SCHIP1: variants seen among roughly 807,000 people sequenced by gnomAD.
The protein encoded by SCHIP1 is schwannomin-interacting protein 1.
Under a neutral mutation model 29.7 loss-of-function variants are expected in SCHIP1, and 8 were observed. The ratio of observed to expected loss-of-function variants is 0.27; its 90% CI spans 0.16 to 0.49. SCHIP1 has a LOEUF of 0.49. SCHIP1 is among the 20% of genes least tolerant of loss of function. SCHIP1 has a pLI of 0.99. For synonymous variants in SCHIP1, 76 were observed against 94.9 expected, an observed-to-expected ratio of 0.80 and a Z score of 1.16; for missense variants, 193 against 294.6, an observed-to-expected ratio of 0.66 and a Z score of 2.52.
the SCHIP1 span, among the ~76,000 whole-genome samples, chr3:159,634,467 C>T: frequency 6.6e-6 from 1 of 152,152 alleles, no homozygotes; most frequent in Non-Finnish European, 1.5e-5. Context: ...AAATGCTGAA[C>T]AGTTAGAGGC....
chr3:159,871,368 T>TGG (rs143350836), intron 2 of SCHIP1, among the ~76,000 whole-genome samples: 1 of 14,390 alleles, frequency 6.9e-5, no homozygotes. Flanking sequence ...TTGGGGGGGG[T>TGG]GGGGGGGGGC....
chr3:159,498,630 C>A, the SCHIP1 span, among the ~76,000 whole-genome samples: 25 of 151,648 alleles, frequency 1.6e-4, no homozygotes, highest in African/African-American at 5.3e-4. Context: ...TACGTATCTT[C>A]AAAATACCTT....
At chr3:159,576,790 T>G in the SCHIP1 span, among the ~76,000 whole-genome samples, 6 of 152,142 alleles carry the variant, frequency 3.9e-5, no homozygotes, top group Non-Finnish European at 7.4e-5. Context: ...ACCTTCTGCA[T>G]GCATCTGTTG....
chr3:159,282,344 C>T, the SCHIP1 span, among the ~76,000 whole-genome samples: 1 of 151,736 alleles, frequency 6.6e-6, no homozygotes, highest in East Asian at 1.9e-4. Flanking sequence ...GCCATGTTGA[C>T]TTATTCTGTG....
At chr3:159,589,041 A>G in the SCHIP1 span, among the ~76,000 whole-genome samples, 1 of 152,170 alleles carries the variant, frequency 6.6e-6, no homozygotes, top group African/African-American at 2.4e-5. Context: ...CTGAATCTAT[A>G]AATTACCTTG....
At chr3:159,840,064 T>G in exon 1 of SCHIP1, 2 of 1,502,152 alleles carry the variant, frequency 1.3e-6, no homozygotes, top group Non-Finnish European at 1.8e-6. Flanking sequence ...CATTTTAATC[T>G]GCGGGGAGCC....
chr3:159,659,102 C>T, the SCHIP1 span, among the ~76,000 whole-genome samples: 2 of 152,240 alleles, frequency 1.3e-5, no homozygotes, highest in Non-Finnish European at 2.9e-5. Context: ...TGGGACCGGG[C>T]ACATAGTACA....
chr3:159,888,694 G>A (rs1717193705), intron 4 of SCHIP1, 126 bp from the exon 6 acceptor site: 2 of 1,411,510 alleles, frequency 1.4e-6, no homozygotes, highest in African/African-American at 1.4e-5. Context: ...CACAGACTGG[G>A]AAAGCTTTTA....
chr3:159,379,268 C>T, the SCHIP1 span, among the ~76,000 whole-genome samples: 1 of 151,724 alleles, frequency 6.6e-6, no homozygotes, highest in African/African-American at 2.4e-5. Flanking sequence ...AACACCCAGG[C>T]TGGAGTGCAG....
chr3:159,865,936 G>A (rs1169320712), intron 1 of SCHIP1, among the ~76,000 whole-genome samples: 1 of 152,200 alleles, frequency 6.6e-6, no homozygotes, highest in Non-Finnish European at 1.5e-5. Flanking sequence ...CACCACGATG[G>A]TGATTACTTA....
At chr3:159,415,907 G>A in the SCHIP1 span, among the ~76,000 whole-genome samples, 2 of 152,134 alleles carry the variant, frequency 1.3e-5, no homozygotes, top group Non-Finnish European at 2.9e-5. Context: ...AGAAAAGAAA[G>A]AACAGTGATA....
At chr3:159,392,266 T>C in the SCHIP1 span, among the ~76,000 whole-genome samples, 1 of 152,162 alleles carries the variant, frequency 6.6e-6, no homozygotes, top group Non-Finnish European at 1.5e-5. Flanking sequence ...TGATTACATG[T>C]AAACATGGCT....
At chr3:159,330,230 A>G in the SCHIP1 span, among the ~76,000 whole-genome samples, 37 of 152,328 alleles carry the variant, frequency 2.4e-4, no homozygotes, top group African/African-American at 8.2e-4. Flanking sequence ...CAAAGTATGT[A>G]TAGATCAGTA....
the SCHIP1 span, among the ~76,000 whole-genome samples, chr3:159,542,568 C>A: frequency 7.9e-5 from 12 of 151,948 alleles, no homozygotes; most frequent in Non-Finnish European, 8.8e-5. Flanking sequence ...TATTGCTGAG[C>A]GGTATTCCAT....
At chr3:159,477,309 A>G in the SCHIP1 span, among the ~76,000 whole-genome samples, 1 of 152,190 alleles carries the variant, frequency 6.6e-6, no homozygotes. Flanking sequence ...TATGACAAGT[A>G]GTAAGATTGC....
chr3:159,789,100 G>A, the SCHIP1 span, among the ~76,000 whole-genome samples: 3,208 of 151,654 alleles, frequency 0.021, 110 homozygotes, highest in African/African-American at 0.073. Context: ...ATATGTGTAT[G>A]TATACAGGTT....
At chr3:159,480,835 G>A in the SCHIP1 span, among the ~76,000 whole-genome samples, 2 of 152,148 alleles carry the variant, frequency 1.3e-5, no homozygotes, top group Non-Finnish European at 2.9e-5. Context: ...AATAGGCTTC[G>A]TTTGAGCAAC....
the SCHIP1 span, among the ~76,000 whole-genome samples, chr3:159,514,542 G>A: frequency 2.0e-5 from 3 of 152,306 alleles, no homozygotes; most frequent in South Asian, 2.1e-4. Context: ...CTTCATTGCC[G>A]ATGAAGAAGT....
chr3:159,588,622 A>T, the SCHIP1 span, among the ~76,000 whole-genome samples: 1 of 152,182 alleles, frequency 6.6e-6, no homozygotes, highest in African/African-American at 2.4e-5. Context: ...TCTTTAATCC[A>T]TCTTGAATTA....
Sources: allele counts gnomAD v4.1 joint callset (sites outside exome capture counted in the v4.1 genomes callset), GRCh38; gene constraint gnomAD v4.1.1; transcripts MANE v1.5; gene names NCBI Gene and HGNC (gene_info 2026-07-23, HGNC 2026-07-21).